CNTNAP2: variants seen among roughly 807,000 people sequenced by gnomAD.
CNTNAP2 encodes contactin-associated protein-like 2.
CNTNAP2 carries 98 observed loss-of-function variants against 155.2 expected under a neutral mutation model. The observed-to-expected ratio is 0.63, with a 90% confidence interval of 0.54 to 0.75. The LOEUF is 0.75. Among genes scored for constraint, CNTNAP2 ranks in the 30% least tolerant of loss-of-function variants. The pLI, the probability that CNTNAP2 is intolerant of heterozygous loss-of-function variation, is 0.00. For missense variants in CNTNAP2, 1,727 were observed against 1,688.1 expected (o/e 1.02, Z -0.40); for synonymous variants, 651 against 631.2 (o/e 1.03, Z -0.47).
chr7:147,633,539 G>A (rs1351380791), intron 12 of CNTNAP2, among the ~76,000 whole-genome samples: 1 of 152,094 alleles, frequency 6.6e-6, no homozygotes, highest in Non-Finnish European at 1.5e-5. Flanking sequence ...AGATTTGGGA[G>A]GGGCCAGGAG....
At chr7:147,213,219 G>C (rs969480588) in intron 8 of CNTNAP2, among the ~76,000 whole-genome samples, 2 of 152,102 alleles carry the variant, frequency 1.3e-5, no homozygotes, top group Admixed American at 1.3e-4. Context: ...GAAGAGGAGG[G>C]ATGTCCCAAC....
intron 1 of CNTNAP2, among the ~76,000 whole-genome samples, chr7:146,300,320 A>G (rs571103220): frequency 2.0e-5 from 3 of 151,586 alleles, no homozygotes; most frequent in East Asian, 3.9e-4. Context: ...GGATTATGGT[A>G]TAAATATTGC....
intron 5 of CNTNAP2, among the ~76,000 whole-genome samples, chr7:147,110,993 C>T (rs983363975): frequency 6.6e-6 from 1 of 152,244 alleles, no homozygotes; most frequent in Non-Finnish European, 1.5e-5. Context: ...CTCCCACCAA[C>T]AGCATAAAAG....
chr7:147,734,597 A>G (rs908742991), intron 13 of CNTNAP2, among the ~76,000 whole-genome samples: 4 of 152,036 alleles, frequency 2.6e-5, no homozygotes, highest in East Asian at 3.9e-4. Context: ...AATGGTACCA[A>G]CTCCTCCTTG....
chr7:147,347,457 CAT>C (rs60963934), intron 9 of CNTNAP2, among the ~76,000 whole-genome samples: 1,554 of 49,932 alleles, frequency 0.031, 42 homozygotes, highest in East Asian at 0.068. Context: ...TATATATATG[CAT>C]ATATATATAT....
intron 3 of CNTNAP2, among the ~76,000 whole-genome samples, chr7:146,845,514 C>G (rs1426499520): frequency 6.6e-6 from 1 of 152,134 alleles, no homozygotes; most frequent in Non-Finnish European, 1.5e-5. Flanking sequence ...ACATGTGTGT[C>G]ATCAATTCCC....
chr7:148,213,528 G>A (rs550784840), intron 18 of CNTNAP2, among the ~76,000 whole-genome samples: 14 of 152,080 alleles, frequency 9.2e-5, no homozygotes, highest in Non-Finnish European at 1.6e-4. Flanking sequence ...ACATCATCCT[G>A]CCTGCCCCAC....
intron 10 of CNTNAP2, among the ~76,000 whole-genome samples, chr7:147,424,903 TA>T (rs202056542): frequency 0.01 from 1,556 of 152,246 alleles, 31 homozygotes; most frequent in African/African-American, 0.035. Context: ...GGAATGGCTC[TA>T]CCCTCAATTT....
At chr7:147,263,898 C>T (rs1379979682) in intron 8 of CNTNAP2, among the ~76,000 whole-genome samples, 1 of 152,084 alleles carries the variant, frequency 6.6e-6, no homozygotes, top group Admixed American at 6.5e-5. Flanking sequence ...CAAAGCAAGA[C>T]GTATAGGGGA....
intron 3 of CNTNAP2, among the ~76,000 whole-genome samples, chr7:147,005,288 A>T (rs2129242276): frequency 6.6e-6 from 1 of 152,118 alleles, no homozygotes; most frequent in Non-Finnish European, 1.5e-5. Flanking sequence ...CTCCTCTTTA[A>T]TCTCACAGAT....
chr7:146,280,350 C>G (rs1396153325), intron 1 of CNTNAP2, among the ~76,000 whole-genome samples: 2 of 151,916 alleles, frequency 1.3e-5, no homozygotes, highest in Non-Finnish European at 2.9e-5. Context: ...ATTTTCTTTC[C>G]TACTTTCTTT....
At chr7:147,557,342 G>A (rs953777013) in intron 11 of CNTNAP2, among the ~76,000 whole-genome samples, 2 of 152,136 alleles carry the variant, frequency 1.3e-5, no homozygotes, top group African/African-American at 4.8e-5. Flanking sequence ...GATATGTTCA[G>A]TAGTAATATT....
chr7:147,317,180 T>G (rs12333635), intron 9 of CNTNAP2, among the ~76,000 whole-genome samples: 35,484 of 152,144 alleles, frequency 0.23, 4,389 homozygotes, highest in Middle Eastern at 0.29. Context: ...ACTACCATAT[T>G]CTCTCTGCAG....
chr7:146,930,458 C>A (rs984119564), intron 3 of CNTNAP2, among the ~76,000 whole-genome samples: 4 of 152,164 alleles, frequency 2.6e-5, no homozygotes, highest in Non-Finnish European at 2.9e-5. Context: ...TGGAAAGGAA[C>A]AACTGGTACC....
intron 10 of CNTNAP2, among the ~76,000 whole-genome samples, chr7:147,404,143 G>A (rs550302527): frequency 5.3e-5 from 8 of 152,136 alleles, no homozygotes; most frequent in Non-Finnish European, 1.0e-4. Context: ...TTATTGATAA[G>A]AGGTAAAGGG....
intron 10 of CNTNAP2, among the ~76,000 whole-genome samples, chr7:147,411,294 A>G (rs1028841517): frequency 6.6e-6 from 1 of 152,246 alleles, no homozygotes; most frequent in Non-Finnish European, 1.5e-5. Context: ...ATTTTAATTG[A>G]GCACAAGTTA....
At chr7:147,476,585 G>T (rs965470585) in intron 10 of CNTNAP2, among the ~76,000 whole-genome samples, 6 of 151,594 alleles carry the variant, frequency 4.0e-5, no homozygotes, top group African/African-American at 1.5e-4. Flanking sequence ...CTAGTTCATG[G>T]CTACCCATAA....
intron 15 of CNTNAP2, among the ~76,000 whole-genome samples, chr7:148,011,999 C>T (rs1181583284): frequency 3.9e-5 from 6 of 152,232 alleles, no homozygotes; most frequent in Non-Finnish European, 8.8e-5. Flanking sequence ...TCAATCCTCT[C>T]GCTTTCCAAG....
intron 13 of CNTNAP2, among the ~76,000 whole-genome samples, chr7:147,832,610 T>G (rs1383981737): frequency 6.9e-6 from 1 of 145,842 alleles, no homozygotes; most frequent in African/African-American, 2.5e-5. Context: ...TTTCAATATA[T>G]TATATTTTTA....
Sources: gnomAD v4.1 joint callset for allele counts (sites outside exome capture counted in the v4.1 genomes callset) on GRCh38, gnomAD v4.1.1 for gene constraint, MANE v1.5 for transcripts, NCBI Gene and HGNC (gene_info 2026-07-23, HGNC 2026-07-21) for gene names.